The following MAPK4 variants were observed in gnomAD, a reference collection of about 807,000 sequenced individuals.
The protein encoded by MAPK4 is Erk3-related.
In MAPK4, 22 loss-of-function variants were observed where a neutral mutation model predicts 47.7. That is an observed-to-expected ratio of 0.46 (90% CI 0.33 to 0.66). The LOEUF (loss-of-function observed/expected upper bound fraction) is 0.66. Among genes scored for constraint, MAPK4 ranks in the 30% least tolerant of loss-of-function variants. The pLI is 0.02. For missense variants in MAPK4, 736 were observed against 831.7 expected (o/e 0.88, Z 1.42); for synonymous variants, 390 against 365.7 (o/e 1.07, Z -0.76).
intron 1 of MAPK4, among the ~76,000 whole-genome samples, chr18:50,627,434 CA>C (rs2144143743): frequency 6.6e-6 from 1 of 152,320 alleles, no homozygotes; most frequent in East Asian, 1.9e-4. Context: ...TCCCAACCAC[CA>C]GCTTCAGGGG....
chr18:50,710,707 G>A (rs903146537), intron 2 of MAPK4, among the ~76,000 whole-genome samples: 1 of 152,080 alleles, frequency 6.6e-6, no homozygotes, highest in East Asian at 1.9e-4. Context: ...GTGAACCCGG[G>A]AGGCGGAGCT....
chr18:50,633,697 C>T (rs2042853425), intron 1 of MAPK4, among the ~76,000 whole-genome samples: 1 of 152,188 alleles, frequency 6.6e-6, no homozygotes, highest in Non-Finnish European at 1.5e-5. Flanking sequence ...ACCTAAACTC[C>T]CGAAATCTTA....
At position 50,726,021 on chromosome 18, in the gene MAPK4, A is replaced by G. The variant is rs745753582; in HGVS notation, c.913A>G (p.Met305Val). The G allele has an allele frequency of 1.9e-6, 3 of 1,614,126 alleles. No individual in the cohort carries two copies. The highest frequency in any genetic ancestry group is 2.2e-5 in the South Asian group (2 of 91,078). The change falls in exon 5 of 6, where the codon ATG becomes GTG. Residue 305 changes from methionine to valine, a missense_variant. This residue lies in a region of MAPK4 where 32 missense variants were observed against 57.7 expected (regional missense o/e 0.55). Coordinates refer to ENST00000400384, the MANE Select transcript of MAPK4 (RefSeq NM_002747.4). The part of the protein sequence containing the change: ...FNPMDRLTAE[M>V]GLQHPYMSPY... ...CCCCATGGATCGCCTAACAGCTGAG[A>G]TGGGGCTGCAACACCCCTACATGAG...
intron 2 of MAPK4, among the ~76,000 whole-genome samples, chr18:50,690,245 A>T (rs1909135895): frequency 6.6e-6 from 1 of 152,224 alleles, no homozygotes; most frequent in Non-Finnish European, 1.5e-5. Flanking sequence ...AATAGTAGAA[A>T]AGGAAAATGG....
chr18:50,661,454 T>C (rs2043170949), intron 1 of MAPK4, among the ~76,000 whole-genome samples: 1 of 152,196 alleles, frequency 6.6e-6, no homozygotes, highest in South Asian at 2.1e-4. Context: ...CAGATGGATA[T>C]TGACCCTATG....
chr18:50,649,126 C>T (rs1360553931), intron 1 of MAPK4, among the ~76,000 whole-genome samples: 1 of 152,168 alleles, frequency 6.6e-6, no homozygotes, highest in Non-Finnish European at 1.5e-5. Flanking sequence ...GCCAATCTTC[C>T]ATCCCAACCC....
At chr18:50,723,402 A>C (rs1160495636) in intron 4 of MAPK4, among the ~76,000 whole-genome samples, 3 of 152,212 alleles carry the variant, frequency 2.0e-5, no homozygotes, top group Non-Finnish European at 4.4e-5. Flanking sequence ...TTGGAAAGGC[A>C]GGTCAGAAGG....
At chr18:50,627,526 G>C (rs1021516379) in intron 1 of MAPK4, among the ~76,000 whole-genome samples, 1 of 152,192 alleles carries the variant, frequency 6.6e-6, no homozygotes, top group African/African-American at 2.4e-5. Context: ...CTTCTGACTT[G>C]AAAGCAGAGC....
At position 50,725,956 on chromosome 18, in the gene MAPK4, C is replaced by T. The variant is rs1323143985; in HGVS notation, c.854-6C>T. ...TGACCTTCATGTCCGGCTTTGCTCCCTGCAGCCATCGACTTTCTGGAGAAG... is the reference window on the plus strand; with the variant it reads ...TGACCTTCATGTCCGGCTTTGCTCCTTGCAGCCATCGACTTTCTGGAGAAG... On this transcript the variant is annotated splice_region_variant and splice_polypyrimidine_tract_variant and intron_variant, in intron 4 of 5. Transcript: ENST00000400384. 3 of 1,613,042 alleles carry T rather than the reference C, an allele frequency of 1.9e-6. No individual in the cohort carries two copies. In the African/African-American group the frequency reaches 4.0e-5, roughly 22 times the overall value.
chr18:50,619,993 A>C, intron 1 of MAPK4, among the ~76,000 whole-genome samples: 1 of 152,242 alleles, frequency 6.6e-6, no homozygotes, highest in East Asian at 1.9e-4. Flanking sequence ...CCCCCAAGGA[A>C]ATGCAGGCTG....
intron 2 of MAPK4, among the ~76,000 whole-genome samples, chr18:50,682,588 T>C (rs1039901476): frequency 6.6e-6 from 1 of 152,210 alleles, no homozygotes; most frequent in Non-Finnish European, 1.5e-5. Flanking sequence ...GGATAATACA[T>C]ATTGACCAAG....
intron 3 of MAPK4, among the ~76,000 whole-genome samples, chr18:50,717,633 G>A (rs1910712019): frequency 6.6e-6 from 1 of 152,102 alleles, no homozygotes; most frequent in Non-Finnish European, 1.5e-5. Flanking sequence ...GAGCAAAGGT[G>A]TGTCCTTAGC....
At chr18:50,580,295 C>T (rs1415180821) in intron 1 of MAPK4, among the ~76,000 whole-genome samples, 1 of 152,178 alleles carries the variant, frequency 6.6e-6, no homozygotes, top group African/African-American at 2.4e-5. Flanking sequence ...GGTGGCTTTG[C>T]TGCTCAAAAC....
At chr18:50,693,779 T>C (rs990021594) in intron 2 of MAPK4, among the ~76,000 whole-genome samples, 1 of 152,076 alleles carries the variant, frequency 6.6e-6, no homozygotes, top group African/African-American at 2.4e-5. Context: ...TATTATTTTA[T>C]AGAGAGAAAA....
At chr18:50,687,391 G>C (rs1051760517) in intron 2 of MAPK4, among the ~76,000 whole-genome samples, 2 of 152,208 alleles carry the variant, frequency 1.3e-5, no homozygotes, top group African/African-American at 4.8e-5. Flanking sequence ...CACCCCTCAA[G>C]TTATGACAAC....
At chr18:50,648,099 C>CAGAGAGAGAGAG (rs146378809) in intron 1 of MAPK4, among the ~76,000 whole-genome samples, 18 of 147,092 alleles carry the variant, frequency 1.2e-4, no homozygotes, top group African/African-American at 4.3e-4. Context: ...AAGAAAGACC[C>CAGAGAGAGAGAG]AGAGAGAGAG....
At chr18:50,690,461 G>A (rs1375869743) in intron 2 of MAPK4, among the ~76,000 whole-genome samples, 1 of 152,204 alleles carries the variant, frequency 6.6e-6, no homozygotes, top group Non-Finnish European at 1.5e-5. Flanking sequence ...AACTTATTTG[G>A]AGAGCAAGAC....
At chr18:50,652,877 G>T (rs1265976854) in intron 1 of MAPK4, among the ~76,000 whole-genome samples, 3 of 152,122 alleles carry the variant, frequency 2.0e-5, no homozygotes, top group African/African-American at 7.2e-5. Flanking sequence ...TTTAAACTTA[G>T]ACCTAAAGGA....
At chr18:50,680,078 CTTTTTTTTTTTTTT>C (rs138992946) in intron 2 of MAPK4, among the ~76,000 whole-genome samples, 16 of 54,336 alleles carry the variant, frequency 2.9e-4, no homozygotes, top group Admixed American at 1.3e-3. Context: ...TGCTTTTAAA[CTTTTTTTTTTTTTT>C]TTTTTTTTTT....
Sources: allele counts gnomAD v4.1 joint callset (sites outside exome capture counted in the v4.1 genomes callset), GRCh38; gene constraint gnomAD v4.1.1; regional missense constraint gnomAD v4.1.1; transcripts MANE v1.5; gene names NCBI Gene and HGNC (gene_info 2026-07-23, HGNC 2026-07-21).